The following LPAR3 variants were observed in gnomAD, a reference collection of about 807,000 sequenced individuals.
LPAR3 encodes lysophosphatidic acid receptor 3, also known as LPA receptor 3.
In LPAR3, 7 loss-of-function variants were observed where a neutral mutation model predicts 17.8. The observed-to-expected ratio is 0.39, with a 90% CI of 0.22 to 0.74. The LOEUF (loss-of-function observed/expected upper bound fraction) is 0.74. Ranked by LOEUF, LPAR3 falls within the 30% of genes least tolerant of loss-of-function variation. The probability of loss-of-function intolerance (pLI) is 0.40; values close to 1 mark genes in which losing one functional copy is unlikely to be tolerated. For synonymous variants in LPAR3, 179 were observed against 179.9 expected (o/e 0.99, Z 0.04); for missense variants, 391 against 453.4 (o/e 0.86, Z 1.25).
At chr1:84,850,412 A>AAAAAAAAAAAAAG (rs1553148195) in intron 2 of LPAR3, among the ~76,000 whole-genome samples, 5 of 149,708 alleles carry the variant, frequency 3.3e-5, no homozygotes, top group Non-Finnish European at 7.4e-5. Context: ...AAAAAAAAAA[A>AAAAAAAAAAAAAG]AAAAAGAAAA....
intron 1 of LPAR3, among the ~76,000 whole-genome samples, chr1:84,885,588 T>C (rs1660445840): frequency 1.3e-5 from 2 of 152,190 alleles, no homozygotes; most frequent in African/African-American, 4.8e-5. Context: ...AATCAGCATG[T>C]AGCTGGGAAT....
At chr1:84,840,996 C>G (rs1023213850) in intron 2 of LPAR3, among the ~76,000 whole-genome samples, 1 of 152,190 alleles carries the variant, frequency 6.6e-6, no homozygotes, top group Non-Finnish European at 1.5e-5. Flanking sequence ...TCTGAGCAAG[C>G]CAAAGCCTTG....
At chr1:84,849,355 CA>C (rs1659656293) in intron 2 of LPAR3, among the ~76,000 whole-genome samples, 3 of 108,388 alleles carry the variant, frequency 2.8e-5, no homozygotes, top group African/African-American at 1.1e-4. Context: ...AGCCTGGTGA[CA>C]GAGTGAGACT....
chr1:84,888,940 G>T (rs1660505627), intron 1 of LPAR3, among the ~76,000 whole-genome samples: 1 of 152,188 alleles, frequency 6.6e-6, no homozygotes. Flanking sequence ...GTGCTGGGCA[G>T]GTTGCTTTCC....
At chr1:84,836,315 G>A (rs1481111013) in intron 2 of LPAR3, among the ~76,000 whole-genome samples, 3 of 143,596 alleles carry the variant, frequency 2.1e-5, no homozygotes. Context: ...TCCAGCCTGG[G>A]CGATACAATG....
chr1:84,860,410 G>GTAAT (rs1345903226), intron 2 of LPAR3, among the ~76,000 whole-genome samples: 1 of 152,050 alleles, frequency 6.6e-6, no homozygotes, highest in African/African-American at 2.4e-5. Flanking sequence ...TACTCTGTGG[G>GTAAT]GCCTTCCTCA....
At chr1:84,826,769 C>A (rs1181361998) in intron 2 of LPAR3, among the ~76,000 whole-genome samples, 1 of 152,156 alleles carries the variant, frequency 6.6e-6, no homozygotes, top group East Asian at 1.9e-4. Context: ...AAAATCCTAG[C>A]ACATATAATC....
chr1:84,832,472 G>T (rs1225190765), intron 2 of LPAR3, among the ~76,000 whole-genome samples: 1 of 152,136 alleles, frequency 6.6e-6, no homozygotes, highest in Non-Finnish European at 1.5e-5. Context: ...AATGAGTCAG[G>T]AACTTAGAGA....
At chr1:84,881,032 A>G (rs537883314) in intron 1 of LPAR3, among the ~76,000 whole-genome samples, 1 of 152,260 alleles carries the variant, frequency 6.6e-6, no homozygotes, top group East Asian at 1.9e-4. Flanking sequence ...GGGAAGTTTT[A>G]TGGTGGTTTT....
chr1:84,888,025 A>T (rs1660490764), intron 1 of LPAR3, among the ~76,000 whole-genome samples: 1 of 151,824 alleles, frequency 6.6e-6, no homozygotes, highest in Non-Finnish European at 1.5e-5. Context: ...GTTATATAGG[A>T]GGACAGAGTG....
At chr1:84,879,014 T>C (rs1448605477) in intron 1 of LPAR3, among the ~76,000 whole-genome samples, 2 of 152,238 alleles carry the variant, frequency 1.3e-5, no homozygotes, top group Non-Finnish European at 2.9e-5. Context: ...ATCTGGTTTC[T>C]GAACTTTCCC....
chr1:84,831,279 T>C (rs1285849902), intron 2 of LPAR3, among the ~76,000 whole-genome samples: 3 of 152,070 alleles, frequency 2.0e-5, no homozygotes, highest in East Asian at 1.9e-4. Context: ...ACTCCTGATA[T>C]CTCTTACACC....
At chr1:84,852,336 C>T in intron 2 of LPAR3, among the ~76,000 whole-genome samples, 1 of 152,084 alleles carries the variant, frequency 6.6e-6, no homozygotes, top group East Asian at 1.9e-4. Context: ...TCCTCGGCCT[C>T]CCAAAGTGCT....
chr1:84,890,763 C>G (rs2389790), intron 1 of LPAR3, among the ~76,000 whole-genome samples: 111,368 of 152,160 alleles, frequency 0.73, 41,321 homozygotes, highest in East Asian at 0.85. Flanking sequence ...ATTCCCATTT[C>G]AGTTATAGTG....
chr1:84,832,035 C>T (rs1659293528), intron 2 of LPAR3, among the ~76,000 whole-genome samples: 2 of 151,970 alleles, frequency 1.3e-5, no homozygotes, highest in Non-Finnish European at 2.9e-5. Context: ...GGGTGGAAAC[C>T]TAGTTCCCTA....
At chr1:84,847,170 A>G (rs1659608586) in intron 2 of LPAR3, among the ~76,000 whole-genome samples, 2 of 152,040 alleles carry the variant, frequency 1.3e-5, no homozygotes, top group Admixed American at 1.3e-4. Context: ...ATGTGTCACT[A>G]CCTCCTGAAG....
chr1:84,891,336 C>A (rs1660548750), intron 1 of LPAR3, among the ~76,000 whole-genome samples: 1 of 151,766 alleles, frequency 6.6e-6, no homozygotes, highest in Non-Finnish European at 1.5e-5. Flanking sequence ...TAAGTGTTGT[C>A]CAAATAGTTA....
chr1:84,843,854 A>T (rs1659551506), intron 2 of LPAR3, among the ~76,000 whole-genome samples: 1 of 152,150 alleles, frequency 6.6e-6, no homozygotes, highest in South Asian at 2.1e-4. Context: ...TGCCAGCTCT[A>T]CCTGGATGGG....
intron 2 of LPAR3, among the ~76,000 whole-genome samples, chr1:84,853,530 T>C (rs1291749152): frequency 1.3e-5 from 2 of 152,186 alleles, no homozygotes. Flanking sequence ...TCCTGCTTCT[T>C]CTCTCTCTGC....
Sources: gnomAD v4.1 joint callset for allele counts (sites outside exome capture counted in the v4.1 genomes callset) on GRCh38, gnomAD v4.1.1 for gene constraint, MANE v1.5 for transcripts, NCBI Gene and HGNC (gene_info 2026-07-23, HGNC 2026-07-21) for gene names.